Variants in RAPGEF6 observed in about 807,000 individuals in gnomAD.
RAPGEF6 encodes PDZ domain containing guanine nucleotide exchange factor (GEF) 2.
A neutral mutation model predicts 171.4 loss-of-function variants in RAPGEF6; 56 were observed. The observed-to-expected ratio is 0.33, with a 90% CI of 0.26 to 0.41. The LOEUF (loss-of-function observed/expected upper bound fraction) is 0.41, where lower values mean the gene tolerates loss of function less well. Ranked by LOEUF, RAPGEF6 falls within the 10% of genes least tolerant of loss-of-function variation. The probability of loss-of-function intolerance (pLI) is 1.00; values close to 1 mark genes in which losing one functional copy is unlikely to be tolerated. For synonymous variants in RAPGEF6, 692 were observed against 650.1 expected (o/e 1.06, Z -0.98); for missense variants, 1,674 against 1,921.4 (o/e 0.87, Z 2.41).
chr5:131,592,458 G>A lies in RAPGEF6; in HGVS notation c.206C>T (p.Thr69Met), dbSNP rs1289667969. 6.8e-6 allele frequency: 11 copies of A among 1,613,086 alleles called. No homozygotes were observed. Among genetic ancestry groups the A allele is most frequent in the Admixed American group, 6.7e-5 (4 of 59,976 alleles). The change falls in exon 4 of 28, where the codon ACG (threonine) becomes ATG (methionine). Residue 69 changes from threonine to methionine, a missense_variant. Physicochemically the swap from Thr to Met is moderately conservative, Grantham distance 81. This residue lies in a region of RAPGEF6 where 1,116 missense variants were observed against 1,321.5 expected (regional missense o/e 0.84). Transcript: ENST00000509018. ...TAGGATATACCAACATCTGGCAATC[G>A]TTTCTGAACTGTTTAAATAAATAAG... is the stretch of plus-strand genomic sequence containing the variant. ...SGNQVLFCSE[T>M]IARCWYILLS...
At chr5:131,563,518 C>T (rs928018952) in intron 4 of RAPGEF6, among the ~76,000 whole-genome samples, 5 of 152,014 alleles carry the variant, frequency 3.3e-5, no homozygotes, top group African/African-American at 9.7e-5. Flanking sequence ...GTTTTTTCTT[C>T]GAGACAGCAT....
At chr5:131,544,700 T>G (rs1423179977) in intron 6 of RAPGEF6, among the ~76,000 whole-genome samples, 1 of 152,234 alleles carries the variant, frequency 6.6e-6, no homozygotes, top group Non-Finnish European at 1.5e-5. Context: ...AATTTTTTTT[T>G]GAGACGGAGT....
Position 131,505,389 on chromosome 5 carries a change from A to G in RAPGEF6, c.1076T>C (p.Val359Ala), listed in dbSNP as rs768202301. 7 of 1,613,656 alleles carry G rather than the reference A, an allele frequency of 4.3e-6. No homozygotes were observed. The highest frequency in any genetic ancestry group is 4.2e-6 in the Non-Finnish European group (5 of 1,179,762). Residue 359 changes from valine (V) to alanine (A), a missense_variant, in exon 10 of 28, where the codon GTC becomes GCC. Val to Ala is a moderately conservative substitution (Grantham distance 64). Coordinates refer to ENST00000509018, the MANE Select transcript of RAPGEF6 (RefSeq NM_016340.6). ...CTGACAATCATCTACTTTAGTCCTG[A>G]CAATTCCATGCATGTACTGCTTATC... ...TLDKQYMHGI[V>A]RTKVDDCQFV...
At chr5:131,634,937 G>A in intron 1 of RAPGEF6, 25 bp downstream of exon 1, 3 of 1,613,368 alleles carry the variant, frequency 1.9e-6, no homozygotes, top group South Asian at 2.2e-5. Flanking sequence ...ACTGTGAGAC[G>A]CACATAAAGG....
chr5:131,471,538 T>C (rs534905856), intron 17 of RAPGEF6, among the ~76,000 whole-genome samples: 1 of 152,332 alleles, frequency 6.6e-6, no homozygotes, highest in African/African-American at 2.4e-5. Flanking sequence ...ATGCTTATCT[T>C]TGTAGAAGCA....
At position 131,433,650 on chromosome 5, in the gene RAPGEF6, G is replaced by A. The variant is rs762555673; in HGVS notation, c.3754C>T (p.Leu1252Phe). 29 of 1,603,478 alleles carry A rather than the reference G, an allele frequency of 1.8e-5. No individual in the cohort carries two copies. The highest frequency in any genetic ancestry group is 2.4e-5 in the Non-Finnish European group (28 of 1,170,758). ...PQGSPHKGYT[L>F]IPSAKSDNLS... Reference sequence around the variant, plus strand: ...TTGTCAGATTTAGCTGATGGAATAAGTGTGTAACCTGAACAAGAAAAGAGC... The same window carrying A: ...TTGTCAGATTTAGCTGATGGAATAAATGTGTAACCTGAACAAGAAAAGAGC... The change falls in exon 25 of 28, where the codon CTT (leucine) becomes TTT (phenylalanine). Residue 1252 changes from leucine (L) to phenylalanine (F), a missense_variant. Transcript: ENST00000509018.
intron 15 of RAPGEF6, among the ~76,000 whole-genome samples, chr5:131,488,039 T>C (rs1050267036): frequency 6.6e-6 from 1 of 152,154 alleles, no homozygotes; most frequent in Non-Finnish European, 1.5e-5. Context: ...GTATTTAGCT[T>C]TCTCCTTGGT....
At chr5:131,625,620 C>A (rs1037540380) in intron 1 of RAPGEF6, among the ~76,000 whole-genome samples, 1 of 152,062 alleles carries the variant, frequency 6.6e-6, no homozygotes, top group Non-Finnish European at 1.5e-5. Flanking sequence ...TCGAGACCAT[C>A]CTGGCTAACA....
rs537502618 is a variant in RAPGEF6, at chr5:131,617,599, CCCACCA to C, written c.70-12912_70-12907del. Among the ~76,000 whole-genome samples, 566 of 152,098 alleles carry C rather than the reference CCCACCA, an allele frequency of 3.7e-3. 3 individuals carry two copies. The highest frequency in any genetic ancestry group is 0.013 in the African/African-American group (536 of 41,496). On this transcript the variant is annotated intron_variant, in intron 1 of 27. Coordinates refer to ENST00000509018, the MANE Select transcript of RAPGEF6 (RefSeq NM_016340.6). ...TCTTGAGTAGCTGGGATTACAGGCG[CCCACCA>C]CCACCCCCAGTTAGCAGTGGCTCAC... is the stretch of plus-strand genomic sequence containing the variant.
At chr5:131,499,295 C>T (rs1288537270) in intron 11 of RAPGEF6, among the ~76,000 whole-genome samples, 1 of 152,034 alleles carries the variant, frequency 6.6e-6, no homozygotes, top group African/African-American at 2.4e-5. Context: ...AGAATATAAA[C>T]AGGCTGGGCG....
intron 4 of RAPGEF6, among the ~76,000 whole-genome samples, chr5:131,577,106 G>A (rs1293300270): frequency 2.0e-5 from 3 of 152,118 alleles, no homozygotes; most frequent in African/African-American, 4.8e-5. Context: ...GGCCCACAGG[G>A]TCTGAGAAGG....
intron 4 of RAPGEF6, among the ~76,000 whole-genome samples, chr5:131,565,098 T>C (rs1278567817): frequency 6.6e-6 from 1 of 152,144 alleles, no homozygotes; most frequent in Non-Finnish European, 1.5e-5. Flanking sequence ...ACTATTTGAG[T>C]TCCTAGAACT....
intron 3 of RAPGEF6, among the ~76,000 whole-genome samples, chr5:131,600,048 A>C (rs58367482): frequency 6.6e-6 from 1 of 151,422 alleles, no homozygotes; most frequent in African/African-American, 2.4e-5. Context: ...ACTTTCCCGC[A>C]TTTTTTTTTG....
chr5:131,448,881 T>A (rs1288686952), intron 21 of RAPGEF6, among the ~76,000 whole-genome samples: 1 of 152,020 alleles, frequency 6.6e-6, no homozygotes, highest in African/African-American at 2.4e-5. Context: ...CTATTTTCAG[T>A]GAGAAGAGCC....
At chr5:131,614,695 G>C (rs577647397) in intron 1 of RAPGEF6, among the ~76,000 whole-genome samples, 1 of 152,158 alleles carries the variant, frequency 6.6e-6, no homozygotes, top group South Asian at 2.1e-4. Flanking sequence ...TACAACATAC[G>C]CAATGGACAG....
intron 4 of RAPGEF6, among the ~76,000 whole-genome samples, chr5:131,570,394 G>A (rs925610579): frequency 3.3e-5 from 5 of 152,054 alleles, no homozygotes; most frequent in African/African-American, 1.2e-4. Flanking sequence ...TAAACAATTT[G>A]GTCTTTTCCC....
intron 1 of RAPGEF6, among the ~76,000 whole-genome samples, chr5:131,614,318 A>G (rs59303176): frequency 6.6e-6 from 1 of 151,572 alleles, no homozygotes; most frequent in African/African-American, 2.4e-5. Flanking sequence ...AAAGAAAAAG[A>G]AAAAGACTAC....
At chr5:131,583,478 A>G (rs1221808678) in intron 4 of RAPGEF6, among the ~76,000 whole-genome samples, 2 of 152,242 alleles carry the variant, frequency 1.3e-5, no homozygotes, top group Non-Finnish European at 2.9e-5. Context: ...TGACTTGGAC[A>G]TAGCATTCTT....
At chr5:131,624,223 T>A (rs188487592) in intron 1 of RAPGEF6, among the ~76,000 whole-genome samples, 8 of 152,324 alleles carry the variant, frequency 5.3e-5, no homozygotes, top group African/African-American at 1.2e-4. Context: ...CCTAGAGAAG[T>A]TAGATAACTT....
Sources: allele counts gnomAD v4.1 joint callset (sites outside exome capture counted in the v4.1 genomes callset), GRCh38; gene constraint gnomAD v4.1.1; regional missense constraint gnomAD v4.1.1; transcripts MANE v1.5; gene names NCBI Gene and HGNC (gene_info 2026-07-23, HGNC 2026-07-21).